The following AFF3 variants were observed in gnomAD, a reference collection of about 807,000 sequenced individuals.
AFF3 encodes the protein ALF transcription elongation factor 3.
A neutral mutation model predicts 129.7 loss-of-function variants in AFF3; 32 were observed. The observed-to-expected ratio is 0.25, with a 90% CI of 0.19 to 0.33. The LOEUF (loss-of-function observed/expected upper bound fraction) is 0.33. Ranked by LOEUF, AFF3 falls within the 10% of genes least tolerant of loss-of-function variation. The pLI, the probability that AFF3 is intolerant of heterozygous loss-of-function variation, is 1.00. For synonymous variants in AFF3, 644 were observed against 635.4 expected (o/e 1.01, Z -0.20); for missense variants, 1,373 against 1,592.0 (o/e 0.86, Z 2.34).
intron 7 of AFF3, among the ~76,000 whole-genome samples, chr2:99,867,332 C>A (rs113975798): frequency 6.6e-6 from 1 of 151,966 alleles, no homozygotes; most frequent in African/African-American, 2.4e-5. Context: ...ATGGGGTTGA[C>A]ATTGACTGGG....
chr2:99,990,215 T>C (rs978367496), intron 7 of AFF3, among the ~76,000 whole-genome samples: 5 of 152,202 alleles, frequency 3.3e-5, no homozygotes, highest in African/African-American at 1.2e-4. Flanking sequence ...ACTACTTAAT[T>C]GAATATAATG....
chr2:99,817,485 T>C (rs1687332286), intron 8 of AFF3, among the ~76,000 whole-genome samples: 2 of 152,220 alleles, frequency 1.3e-5, no homozygotes, highest in South Asian at 4.1e-4. Flanking sequence ...TTTCCTGTTC[T>C]AAGAGGGGGA....
rs139506382 is a variant in AFF3, at chr2:99,958,599, A to G, written c.873+48033T>C. Among the ~76,000 whole-genome samples, 545 of 152,224 alleles carry G rather than the reference A, an allele frequency of 3.6e-3. 3 individuals are homozygous for G. The highest frequency in any genetic ancestry group is 0.013 in the African/African-American group (528 of 41,534). The stretch of plus-strand genomic sequence containing the variant: ...ACCGTGATGGGAAATGTAGATAACG[A>G]TAAGAAACAGCTTCTGTCCTTAGGG... On this transcript the variant is annotated intron_variant, in intron 7 of 24. Transcript: ENST00000672756.
At chr2:99,736,816 G>T (rs895572082) in intron 10 of AFF3, among the ~76,000 whole-genome samples, 2 of 151,698 alleles carry the variant, frequency 1.3e-5, no homozygotes, top group African/African-American at 2.4e-5. Context: ...CACCATGTTG[G>T]CCAGGCTTGT....
intron 13 of AFF3, among the ~76,000 whole-genome samples, chr2:99,648,973 C>CA (rs1197907137): frequency 7.6e-5 from 11 of 144,982 alleles, no homozygotes; most frequent in African/African-American, 2.8e-4. Context: ...AAACCAAAAC[C>CA]AACCAAACCA....
intron 7 of AFF3, among the ~76,000 whole-genome samples, chr2:99,892,251 C>T (rs187275429): frequency 1.4e-4 from 22 of 152,286 alleles, no homozygotes; most frequent in African/African-American, 5.1e-4. Flanking sequence ...CGTCTAAAAA[C>T]ATATTAAGCC....
chr2:99,576,727 G>C (rs1199263483), intron 18 of AFF3, among the ~76,000 whole-genome samples: 1 of 152,116 alleles, frequency 6.6e-6, no homozygotes, highest in Non-Finnish European at 1.5e-5. Context: ...AGGGTCTAAT[G>C]CTCCTTCTGT....
intron 13 of AFF3, among the ~76,000 whole-genome samples, chr2:99,634,396 T>G (rs1192538003): frequency 1.3e-5 from 2 of 152,214 alleles, no homozygotes; most frequent in African/African-American, 4.8e-5. Flanking sequence ...AGGAAATCAC[T>G]GGTGAGCCCT....
At chr2:99,912,295 T>C (rs1695156813) in intron 7 of AFF3, among the ~76,000 whole-genome samples, 1 of 152,230 alleles carries the variant, frequency 6.6e-6, no homozygotes, top group Admixed American at 6.5e-5. Context: ...GTTTTACATT[T>C]AGCTAAAGTT....
intron 10 of AFF3, among the ~76,000 whole-genome samples, chr2:99,736,436 A>G (rs752712556): frequency 1.3e-5 from 2 of 152,100 alleles, no homozygotes; most frequent in Non-Finnish European, 2.9e-5. Flanking sequence ...TTTTATCACC[A>G]GTATTTGGCT....
chr2:99,846,451 T>C lies in AFF3; in HGVS notation c.874-8927A>G, dbSNP rs565739480. On this transcript the variant is annotated intron_variant, in intron 7 of 24. Transcript: ENST00000672756. Reference sequence around the variant, plus strand: ...GGCCGAACATTTTCCTGAATCTTTATACAATTCCATTTATATGATCTAATA... The same window carrying C: ...GGCCGAACATTTTCCTGAATCTTTACACAATTCCATTTATATGATCTAATA... Among the ~76,000 whole-genome samples the C allele has an allele frequency of 1.0e-3, 153 of 152,360 alleles. 1 individual carries two copies. Among genetic ancestry groups the C allele is most frequent in the African/African-American group, 3.4e-3 (141 of 41,590 alleles).
At chr2:99,880,813 T>C (rs572066978) in intron 7 of AFF3, among the ~76,000 whole-genome samples, 1 of 152,204 alleles carries the variant, frequency 6.6e-6, no homozygotes, top group East Asian at 1.9e-4. Flanking sequence ...TGGCGACAGA[T>C]GACGGAGTGC....
rs114525587 is a variant in AFF3 at position 99,590,085 on chromosome 2, C to T, written c.2467-2807G>A. Among the ~76,000 whole-genome samples the T allele has an allele frequency of 5.8e-4, 88 of 152,302 alleles. 1 individual carries two copies. Among genetic ancestry groups the T allele is most frequent in the African/African-American group, 2.1e-3 (86 of 41,572 alleles). On this transcript the variant is annotated intron_variant, in intron 15 of 24. Coordinates refer to ENST00000672756, the MANE Select transcript of AFF3 (RefSeq NM_001386135.1). ...AATCAGAGGCCCTACCTGTGGTGCC[C>T]GAGTTGTCAGGCATTTCCCCAACAA...
Position 99,867,576 on chromosome 2 carries a change from T to TAAAA in AFF3, c.874-30056_874-30053dup, listed in dbSNP as rs3072544. On this transcript the variant is annotated intron_variant, in intron 7 of 24. Coordinates refer to ENST00000672756, the MANE Select transcript of AFF3 (RefSeq NM_001386135.1). Reference sequence around the variant, plus strand: ...CTCCCCAAGGCCTATATTTCTATATTAAAAAAAAAAAAAAAAACATAGCTG... The same window carrying TAAAA: ...CTCCCCAAGGCCTATATTTCTATATTAAAAAAAAAAAAAAAAAAAAACATAGCTG... Among the ~76,000 whole-genome samples the TAAAA allele has an allele frequency of 8.9e-3, 1,255 of 141,278 alleles. 16 individuals carry two copies. The highest frequency in any genetic ancestry group is 0.021 in the African/African-American group (791 of 37,656). 92.7% of individuals were successfully genotyped at this position (141,278 alleles called of 152,430 possible).
rs148732358 is a variant in AFF3 at position 99,954,156 on chromosome 2, T to C, written c.873+52476A>G. The stretch of plus-strand genomic sequence containing the variant: ...AAGAATAAGTACTACCAACAGAGGG[T>C]CAGTGATGTGTTTTTGTATACCTTT... On this transcript the variant is annotated intron_variant, in intron 7 of 24. Transcript: ENST00000672756. 2.7e-4 allele frequency among the ~76,000 whole-genome samples: 41 copies of C among 152,132 alleles called. No homozygotes were observed. In the East Asian group the frequency reaches 4.0e-3, roughly 15 times the overall value.
chr2:100,043,377 C>T (rs1014463223), intron 4 of AFF3, among the ~76,000 whole-genome samples: 1 of 152,168 alleles, frequency 6.6e-6, no homozygotes, highest in Admixed American at 6.5e-5. Context: ...CTTCTTCTGA[C>T]AGCAAAACTG....
rs142371600 is a variant in AFF3 at position 99,974,548 on chromosome 2, C to T, written c.873+32084G>A. Among the ~76,000 whole-genome samples, 850 of 152,300 alleles carry T rather than the reference C, an allele frequency of 5.6e-3. 8 individuals are homozygous for T. The highest frequency in any genetic ancestry group is 0.02 in the African/African-American group (821 of 41,554). On this transcript the variant is annotated intron_variant, in intron 7 of 24. Coordinates refer to ENST00000672756, the MANE Select transcript of AFF3 (RefSeq NM_001386135.1). Reference sequence around the variant, plus strand: ...AATCGCTGCAGTGATGCACAGATAACCCTCTCTCCTTTACTACCAGGGTGC... The same window carrying T: ...AATCGCTGCAGTGATGCACAGATAATCCTCTCTCCTTTACTACCAGGGTGC...
chr2:99,640,865 G>A (rs1262605000), intron 13 of AFF3, among the ~76,000 whole-genome samples: 15 of 152,208 alleles, frequency 9.9e-5, no homozygotes, highest in Admixed American at 9.8e-4. Flanking sequence ...AGGAGCTGTG[G>A]GCGCTGGGGC....
chr2:99,822,917 G>C (rs1395238882), intron 8 of AFF3, among the ~76,000 whole-genome samples: 1 of 152,166 alleles, frequency 6.6e-6, no homozygotes, highest in Non-Finnish European at 1.5e-5. Context: ...AAGTCAGAAT[G>C]ATAAATGCTT....
Sources: gnomAD v4.1 joint callset for allele counts (sites outside exome capture counted in the v4.1 genomes callset) on GRCh38, gnomAD v4.1.1 for gene constraint, MANE v1.5 for transcripts, NCBI Gene and HGNC (gene_info 2026-07-23, HGNC 2026-07-21) for gene names.